Variants in MAP4K3 observed in about 807,000 individuals in gnomAD.
MAP4K3 encodes the protein mitogen-activated protein kinase kinase kinase kinase 3, also known as MAPK/ERK kinase kinase kinase 3.
MAP4K3 carries 94 observed loss-of-function variants against 143.5 expected under a neutral mutation model. The observed-to-expected ratio is 0.65, with a 90% CI of 0.55 to 0.78. MAP4K3 has a LOEUF of 0.78. Among genes scored for constraint, MAP4K3 ranks in the 30% least tolerant of loss-of-function variants. The probability of loss-of-function intolerance (pLI) is 0.00; values close to 1 mark genes in which losing one functional copy is unlikely to be tolerated. For synonymous variants in MAP4K3, 416 were observed against 347.2 expected (o/e 1.20, Z -2.20); for missense variants, 1,077 against 1,068.1 (o/e 1.01, Z -0.12).
intron 1 of MAP4K3, among the ~76,000 whole-genome samples, chr2:39,393,439 C>A (rs1397179862): frequency 2.0e-5 from 3 of 152,130 alleles, no homozygotes; most frequent in Non-Finnish European, 4.4e-5. Context: ...AGAACCTATC[C>A]ATTTCAGAAT....
At chr2:39,356,637 C>T (rs1665619026) in intron 2 of MAP4K3, among the ~76,000 whole-genome samples, 1 of 152,164 alleles carries the variant, frequency 6.6e-6, no homozygotes, top group Admixed American at 6.5e-5. Flanking sequence ...TTTGACTTCT[C>T]TGTGCCAATT....
chr2:39,321,423 T>G (rs1431248643), intron 12 of MAP4K3, among the ~76,000 whole-genome samples: 1 of 152,188 alleles, frequency 6.6e-6, no homozygotes, highest in Non-Finnish European at 1.5e-5. Flanking sequence ...CACCACTCCC[T>G]AATCTCAAGT....
chr2:39,412,041 A>C (rs1244464566), intron 1 of MAP4K3, among the ~76,000 whole-genome samples: 1 of 152,248 alleles, frequency 6.6e-6, no homozygotes, highest in South Asian at 2.1e-4. Context: ...TGCATTTCCC[A>C]AAGTGTGTTC....
rs1001138839 is a variant in MAP4K3, at chr2:39,314,190, T to C, written c.997+1120A>G. ...GGTTACAGGTGCACATCAACATGCC[T>C]GGCTAATTTTGGTAGCTTATGTAGA... On this transcript the variant is annotated intron_variant, in intron 13 of 33. Transcript: ENST00000263881. 2.6e-5 allele frequency among the ~76,000 whole-genome samples: 4 copies of C among 152,186 alleles called. No individual in the cohort carries two copies. In the South Asian group the frequency reaches 6.2e-4, roughly 24 times the overall value.
At chr2:39,391,520 A>G (rs1412074727) in intron 1 of MAP4K3, among the ~76,000 whole-genome samples, 2 of 152,094 alleles carry the variant, frequency 1.3e-5, no homozygotes, top group African/African-American at 2.4e-5. Flanking sequence ...CCATTATTTG[A>G]CTAAGGACCC....
intron 1 of MAP4K3, among the ~76,000 whole-genome samples, chr2:39,378,789 T>A (rs1335813265): frequency 6.6e-6 from 1 of 151,870 alleles, no homozygotes; most frequent in Non-Finnish European, 1.5e-5. Context: ...AAAATCACTT[T>A]AAAAAATCAA....
chr2:39,371,899 T>C (rs1278887796), intron 2 of MAP4K3, among the ~76,000 whole-genome samples: 2 of 150,166 alleles, frequency 1.3e-5, no homozygotes, highest in Admixed American at 6.7e-5. Flanking sequence ...TTTATACATA[T>C]AATATATATT....
intron 12 of MAP4K3, among the ~76,000 whole-genome samples, chr2:39,322,773 A>G (rs1248398934): frequency 3.3e-5 from 5 of 151,090 alleles, no homozygotes; most frequent in African/African-American, 1.2e-4. Flanking sequence ...AGGTTCAAGC[A>G]ATTCTCTTGC....
intron 3 of MAP4K3, among the ~76,000 whole-genome samples, chr2:39,347,502 T>C (rs573651166): frequency 3.3e-5 from 5 of 152,282 alleles, no homozygotes; most frequent in African/African-American, 1.2e-4. Context: ...GAATAACATG[T>C]AAACTGCTTA....
intron 4 of MAP4K3, among the ~76,000 whole-genome samples, chr2:39,341,218 G>A (rs1313864579): frequency 6.6e-6 from 1 of 152,102 alleles, no homozygotes; most frequent in African/African-American, 2.4e-5. Context: ...AATAACCATA[G>A]AAGCTAAAAG....
At chr2:39,384,499 T>C (rs1358055206) in intron 1 of MAP4K3, among the ~76,000 whole-genome samples, 1 of 152,252 alleles carries the variant, frequency 6.6e-6, no homozygotes, top group Non-Finnish European at 1.5e-5. Flanking sequence ...TGAGCTGAGA[T>C]TGCGCCACTG....
intron 2 of MAP4K3, among the ~76,000 whole-genome samples, chr2:39,361,915 A>G (rs1665782326): frequency 1.3e-5 from 2 of 152,188 alleles, no homozygotes; most frequent in South Asian, 4.1e-4. Flanking sequence ...TAAAGATGAC[A>G]AAAGGAAAAT....
intron 6 of MAP4K3, among the ~76,000 whole-genome samples, chr2:39,334,530 T>C (rs936731706): frequency 2.6e-5 from 4 of 152,074 alleles, no homozygotes; most frequent in African/African-American, 9.7e-5. Context: ...CTCTGTGGAA[T>C]AGTAGGGGAA....
intron 31 of MAP4K3, among the ~76,000 whole-genome samples, chr2:39,257,850 A>G (rs1214055316): frequency 6.6e-6 from 1 of 151,952 alleles, no homozygotes; most frequent in Non-Finnish European, 1.5e-5. Flanking sequence ...AGATAACATT[A>G]TCTACACTAC....
intron 2 of MAP4K3, among the ~76,000 whole-genome samples, chr2:39,362,781 C>T (rs1395494538): frequency 5.3e-5 from 8 of 152,162 alleles, no homozygotes; most frequent in Non-Finnish European, 1.0e-4. Flanking sequence ...AGGTCTCACA[C>T]TCCTGGTTTC....
Position 39,325,923 on chromosome 2 carries a change from G to T in MAP4K3, c.701C>A (p.Pro234His). The T allele has an allele frequency of 2.5e-6, 4 of 1,597,080 alleles. No homozygotes were observed. The highest frequency in any genetic ancestry group is 3.4e-6 in the Non-Finnish European group (4 of 1,167,124). Residue 234 changes from proline (P) to histidine (H), a missense_variant, in exon 10 of 34, where the codon CCT (proline) becomes CAT (histidine). Physicochemically the swap from Pro to His is moderately conservative, Grantham distance 77 (BLOSUM62 -2). Around this residue, in one of 2 missense-constraint regions of MAP4K3, gnomAD observed 864 missense variants for 801.2 expected, o/e 1.08. Transcript: ENST00000263881. Reference protein sequence around the residue: ...FLMTKSNFQPPKLKDKMKWSN... With the variant: ...FLMTKSNFQPHKLKDKMKWSN... ...CCATTTCATTTTATCCTTTAGTTTA[G>T]GAGGCTGAAAATTGCTTTTTGTCAT...
At chr2:39,343,482 T>C (rs1046225800) in intron 3 of MAP4K3, 30 bp from the exon 4 acceptor site, 3 of 1,585,722 alleles carry the variant, frequency 1.9e-6, no homozygotes, top group Non-Finnish European at 2.6e-6. Flanking sequence ...ATGTATCATA[T>C]TTTCATGATT....
At chr2:39,385,001 A>G (rs1245147308) in intron 1 of MAP4K3, among the ~76,000 whole-genome samples, 1 of 152,204 alleles carries the variant, frequency 6.6e-6, no homozygotes, top group Non-Finnish European at 1.5e-5. Flanking sequence ...TCATTATATA[A>G]CATCTTTAGA....
chr2:39,407,711 G>A (rs1667133955), intron 1 of MAP4K3, among the ~76,000 whole-genome samples: 1 of 152,102 alleles, frequency 6.6e-6, no homozygotes, highest in African/African-American at 2.4e-5. Context: ...TGGAAACTGA[G>A]ACCACAGGTG....
Sources: gnomAD v4.1 joint callset for allele counts (sites outside exome capture counted in the v4.1 genomes callset) on GRCh38, gnomAD v4.1.1 for gene constraint, gnomAD v4.1.1 regional missense constraint, MANE v1.5 for transcripts, NCBI Gene and HGNC (gene_info 2026-07-23, HGNC 2026-07-21) for gene names.